Variants in FNDC1 observed in about 807,000 individuals in gnomAD.
FNDC1 encodes fibronectin type III domain containing 1.
A neutral mutation model predicts 168.0 loss-of-function variants in FNDC1; 96 were observed. The observed-to-expected ratio is 0.57, with a 90% CI of 0.48 to 0.68. The LOEUF (loss-of-function observed/expected upper bound fraction) is 0.68. Among genes scored for constraint, FNDC1 ranks in the 30% least tolerant of loss-of-function variants. The pLI is 0.00. For missense variants in FNDC1, 2,587 were observed against 2,482.1 expected (o/e 1.04, Z -0.90); for synonymous variants, 1,099 against 1,025.9 (o/e 1.07, Z -1.36).
intron 20 of FNDC1, among the ~76,000 whole-genome samples, chr6:159,265,568 G>A (rs936601117): frequency 2.0e-5 from 3 of 152,106 alleles, no homozygotes; most frequent in Non-Finnish European, 4.4e-5. Flanking sequence ...TAAATGGAAC[G>A]GCCCAAATGT....
In FNDC1 at chr6:159,233,191, C is replaced by T. The variant is rs1279629735; in HGVS notation, c.2679C>T (p.His893=). ...KPLPATVVND[H]VPSSSRQPIS... ...TTCCTGCCACCGTTGTCAATGACCACGTGCCTTCCTCCTCCAGGCAGCCCA... is the reference window on the plus strand; with the variant it reads ...TTCCTGCCACCGTTGTCAATGACCATGTGCCTTCCTCCTCCAGGCAGCCCA... The change falls in exon 11 of 23, where the codon CAC becomes CAT. Residue 893 remains histidine (H), a synonymous_variant. Coordinates refer to ENST00000297267, the MANE Select transcript of FNDC1 (RefSeq NM_032532.3). The surrounding 1 kb of genome is among the most constrained non-coding windows in gnomAD (Gnocchi z 4.6). 4.3e-6 allele frequency: 7 copies of T among 1,611,844 alleles called. 1 individual carries two copies. The South Asian group carries it at 6.6e-5, about 15-fold the overall frequency.
At chr6:159,180,773 G>A (rs1230719901) in intron 1 of FNDC1, among the ~76,000 whole-genome samples, 1 of 152,058 alleles carries the variant, frequency 6.6e-6, no homozygotes. Context: ...GAGGATAATG[G>A]CTTCCAGCAT....
chr6:159,224,559 T>G (rs1025584401), intron 7 of FNDC1, among the ~76,000 whole-genome samples: 3 of 152,134 alleles, frequency 2.0e-5, no homozygotes, highest in Non-Finnish European at 4.4e-5. Flanking sequence ...GATAGCTGCT[T>G]TTTTTTGAAA....
intron 4 of FNDC1, among the ~76,000 whole-genome samples, chr6:159,212,651 T>C (rs1448045920): frequency 1.3e-5 from 2 of 152,208 alleles, no homozygotes; most frequent in African/African-American, 4.8e-5. Flanking sequence ...CCATGTTGTC[T>C]AGGGAACAGT....
intron 4 of FNDC1, among the ~76,000 whole-genome samples, chr6:159,203,412 G>C (rs1399240209): frequency 6.6e-6 from 1 of 152,138 alleles, no homozygotes; most frequent in Non-Finnish European, 1.5e-5. Flanking sequence ...GGAGGAGGAG[G>C]ACCATGCCAG....
intron 1 of FNDC1, among the ~76,000 whole-genome samples, chr6:159,189,799 T>C (rs1782093479): frequency 6.6e-6 from 1 of 152,242 alleles, no homozygotes; most frequent in Non-Finnish European, 1.5e-5. Flanking sequence ...CTGGGAATTT[T>C]GTGATGGGAG....
At chr6:159,268,299 G>A (rs1483656668) in intron 22 of FNDC1, among the ~76,000 whole-genome samples, 1 of 151,920 alleles carries the variant, frequency 6.6e-6, no homozygotes, top group Non-Finnish European at 1.5e-5. Context: ...TAACTCTCTC[G>A]GCCTCCAAAT....
chr6:159,258,671 C>A (rs980476529), intron 18 of FNDC1, among the ~76,000 whole-genome samples: 1 of 152,206 alleles, frequency 6.6e-6, no homozygotes, highest in Non-Finnish European at 1.5e-5. Context: ...GAGGTGCCCA[C>A]CTGCTTATGT....
Position 159,246,954 on chromosome 6 carries a change from G to A in FNDC1, c.4675G>A (p.Val1559Ile), listed in dbSNP as rs760097568. 8.1e-6 allele frequency: 13 copies of A among 1,611,184 alleles called. No homozygotes were observed. Among genetic ancestry groups the A allele is most frequent in the East Asian group, 2.2e-5 (1 of 44,862 alleles). Residue 1559 changes from valine (V) to isoleucine (I), a missense_variant, in exon 15 of 23, where the codon GTT (valine) becomes ATT (isoleucine). Transcript: ENST00000297267. ...DTAVPTEEAYVIYDEDYEFET... is the reference protein window; with the variant it reads ...DTAVPTEEAYIIYDEDYEFET... ...TGCAGTACCTACGGAAGAGGCCTAC[G>A]TTATATATGATGAAGGTACAAACTG...
intron 4 of FNDC1, among the ~76,000 whole-genome samples, chr6:159,203,583 C>T (rs1295517769): frequency 6.6e-6 from 1 of 152,190 alleles, no homozygotes; most frequent in Non-Finnish European, 1.5e-5. Context: ...CTTCTCCGAG[C>T]CGGAAAGCTT....
rs2114993343 is a variant in FNDC1 at position 159,233,957 on chromosome 6, C to A, written c.3445C>A (p.Arg1149=). 1 of 1,576,936 alleles carries A rather than the reference C, an allele frequency of 6.3e-7. No homozygotes were observed. Among genetic ancestry groups the A allele is most frequent in the East Asian group, 2.3e-5 (1 of 43,300 alleles). The stretch of plus-strand genomic sequence containing the variant: ...ACCCGGCGGCCCCCAGTCCCGCGCC[C>A]GGGTACCCAGCAGGGCAGCGCCGGG... ...SRPGGPQSRA[R]VPSRAAPGKS... Residue 1149 remains arginine, a synonymous_variant, in exon 11 of 23, where the codon CGG becomes AGG. Transcript: ENST00000297267. This position sits in a 1 kb window ranked among gnomAD's most constrained non-coding sequence, Gnocchi z 4.6.
chr6:159,197,441 A>T lies in FNDC1; in HGVS notation c.120A>T (p.Pro40=), dbSNP rs758680941. The stretch of plus-strand genomic sequence containing the variant: ...GCGCTGTTTACATAGTTGACCACCC[A>T]CTGAAGCCAAGGCATGTGAAACTGC... ...ASSAAASVDH[P]LKPRHVKLLS... The change falls in exon 2 of 23, where the codon CCA becomes CCT. Residue 40 remains proline (P), a synonymous_variant. Coordinates refer to ENST00000297267, the MANE Select transcript of FNDC1 (RefSeq NM_032532.3). The T allele has an allele frequency of 2.5e-6, 4 of 1,612,384 alleles. No homozygotes were observed. The highest frequency in any genetic ancestry group is 3.4e-6 in the Non-Finnish European group (4 of 1,179,248).
intron 15 of FNDC1, among the ~76,000 whole-genome samples, chr6:159,247,470 C>T (rs113380349): frequency 3.6e-4 from 55 of 152,176 alleles, no homozygotes; most frequent in African/African-American, 1.2e-3. Flanking sequence ...GATCAGAGGC[C>T]GGCCGCAGTG....
chr6:159,249,054 C>T lies in FNDC1; in HGVS notation c.4706C>T (p.Thr1569Met), dbSNP rs753269958. Residue 1569 changes from threonine to methionine, a missense_variant, in exon 16 of 23, where the codon ACG becomes ATG. Coordinates refer to ENST00000297267, the MANE Select transcript of FNDC1 (RefSeq NM_032532.3). ...ATCATTTCAGATTATGAATTTGAGA[C>T]GTCAAGGCCACCAACCACCACTGAG... ...VIYDEDYEFETSRPPTTTEPS... is the reference protein window; with the variant it reads ...VIYDEDYEFEMSRPPTTTEPS... 60 of 1,599,298 alleles carry T rather than the reference C, an allele frequency of 3.8e-5. No homozygotes were observed. Among genetic ancestry groups the T allele is most frequent in the Middle Eastern group, 1.6e-4 (1 of 6,070 alleles).
chr6:159,211,995 A>T (rs1383135233), intron 4 of FNDC1, among the ~76,000 whole-genome samples: 1 of 152,206 alleles, frequency 6.6e-6, no homozygotes, highest in Non-Finnish European at 1.5e-5. Context: ...ATTCTATACA[A>T]CTTCAGAATA....
At chr6:159,266,581 T>C (rs1370584445) in intron 21 of FNDC1, among the ~76,000 whole-genome samples, 1 of 151,282 alleles carries the variant, frequency 6.6e-6, no homozygotes, top group Non-Finnish European at 1.5e-5. Flanking sequence ...CCATCTCTAC[T>C]AAAAAGAAAT....
At chr6:159,247,723 A>G (rs1317413399) in intron 15 of FNDC1, among the ~76,000 whole-genome samples, 1 of 152,000 alleles carries the variant, frequency 6.6e-6, no homozygotes, top group African/African-American at 2.4e-5. Flanking sequence ...TGGGTGAGAG[A>G]GCAACACCCC....
chr6:159,258,339 T>C (rs951601524), intron 18 of FNDC1, among the ~76,000 whole-genome samples: 1 of 152,114 alleles, frequency 6.6e-6, no homozygotes, highest in African/African-American at 2.4e-5. Context: ...TGGGTGTACA[T>C]CTCCAAGTAC....
chr6:159,173,385 T>A lies in FNDC1; in HGVS notation c.109+3680T>A, dbSNP rs1327388298. Among the ~76,000 whole-genome samples the A allele has an allele frequency of 4.0e-4, 61 of 152,378 alleles. 1 individual carries two copies. Among genetic ancestry groups the A allele is most frequent in the Non-Finnish European group, 7.3e-5 (5 of 68,036 alleles). On this transcript the variant is annotated intron_variant, in intron 1 of 22. Transcript: ENST00000297267. Reference sequence around the variant, plus strand: ...ATGTGGCTTTATGGGGTTTCCCTGTTACTTCAGTCCTCTTTGAGAGAACGT... The same window carrying A: ...ATGTGGCTTTATGGGGTTTCCCTGTAACTTCAGTCCTCTTTGAGAGAACGT...
Sources: gnomAD v4.1 joint callset for allele counts (sites outside exome capture counted in the v4.1 genomes callset) on GRCh38, gnomAD v4.1.1 for gene constraint, Gnocchi (gnomAD v3.1) non-coding constraint, MANE v1.5 for transcripts, NCBI Gene and HGNC (gene_info 2026-07-23, HGNC 2026-07-21) for gene names.